The following AGPAT2 variants were observed in gnomAD, a reference collection of about 807,000 sequenced individuals.
AGPAT2 encodes the protein 1-acyl-sn-glycerol-3-phosphate acyltransferase beta.
Under a neutral mutation model 26.1 loss-of-function variants are expected in AGPAT2, and 18 were observed. The ratio of observed to expected loss-of-function variants is 0.69; its 90% CI spans 0.48 to 1.02. AGPAT2 has a LOEUF of 1.02. AGPAT2 is among the 50% of genes least tolerant of loss of function. The pLI is 0.00. For missense variants in AGPAT2, 415 were observed against 394.9 expected, an observed-to-expected ratio of 1.05 and a Z score of -0.43; for synonymous variants, 200 against 174.2, an observed-to-expected ratio of 1.15 and a Z score of -1.16.
chr9:136,673,760 C>A lies in AGPAT2; in HGVS notation c.829G>T (p.Ala277Ser). 6.3e-7 allele frequency: 1 copy of A among 1,592,526 alleles called. No individual in the cohort carries two copies. Among genetic ancestry groups the A allele is most frequent in the South Asian group, 1.1e-5 (1 of 87,706 alleles). Residue 277 changes from alanine to serine, a missense_variant, in exon 6 of 6, where the codon GCC becomes TCC. Transcript: ENST00000371696. ...GATAGSGVQPAQ is the reference protein window; with the variant it reads ...GATAGSGVQPSQ Reference sequence around the variant, plus strand: ...CCCTGCCGTGGTCTGGGCTACTGGGCCGGCTGCACGCCAGACCCCGCAGTG... The same window carrying A: ...CCCTGCCGTGGTCTGGGCTACTGGGACGGCTGCACGCCAGACCCCGCAGTG...
intron 1 of AGPAT2, among the ~76,000 whole-genome samples, chr9:136,683,495 G>T (rs928946791): frequency 3.5e-4 from 54 of 152,296 alleles, no homozygotes; most frequent in African/African-American, 1.3e-3. Flanking sequence ...CCCCTCTGCT[G>T]GGGCTCGCTG....
rs572285852 is a variant in AGPAT2, at chr9:136,680,413, G to A, written c.183-2857C>T. 3.3e-5 allele frequency among the ~76,000 whole-genome samples: 5 copies of A among 152,238 alleles called. No homozygotes were observed. In the South Asian group the frequency reaches 1.0e-3, roughly 32 times the overall value. ...GGCTAGTTTTTGTATTTTTAGTAGA[G>A]ACGGGGTTTCACCATGTTGGCCAGG... On this transcript the variant is annotated intron_variant, in intron 1 of 5. Coordinates refer to ENST00000371696, the MANE Select transcript of AGPAT2 (RefSeq NM_006412.4).
At position 136,676,630 on chromosome 9, in the gene AGPAT2, CAGG is replaced by C; in HGVS notation, c.540_542del (p.Asp180_Leu181delinsGlu). The C allele has an allele frequency of 6.2e-7, 1 of 1,613,582 alleles. No individual in the cohort carries two copies. The highest frequency in any genetic ancestry group is 2.2e-5 in the East Asian group (1 of 44,872). ...AGAAGGCGCCCTTCTTAAAAGGCAG[CAGG>C]TCCCCATTGTCGTTGCGAGTACCCT... On this transcript the variant is annotated inframe_deletion, in exon 4 of 6. Coordinates refer to ENST00000371696, the MANE Select transcript of AGPAT2 (RefSeq NM_006412.4).
intron 1 of AGPAT2, among the ~76,000 whole-genome samples, chr9:136,680,792 A>T (rs1333761597): frequency 1.3e-5 from 2 of 151,492 alleles, no homozygotes; most frequent in African/African-American, 2.4e-5. Context: ...TCAGCCTAGC[A>T]AGTAGTTGGG....
Position 136,673,777 on chromosome 9 carries a change from C to A in AGPAT2, c.812G>T (p.Gly271Val). The A allele has an allele frequency of 1.2e-6, 2 of 1,601,344 alleles. No individual in the cohort carries two copies. The highest frequency in any genetic ancestry group is 1.1e-5 in the South Asian group (1 of 88,950). Residue 271 changes from glycine (G) to valine (V), a missense_variant, in exon 6 of 6, where the codon GGG (glycine) becomes GTG (valine). By Grantham distance (109) the Gly-to-Val change is moderately radical (BLOSUM62 -3). Transcript: ENST00000371696. ...CTACTGGGCCGGCTGCACGCCAGAC[C>A]CCGCAGTGGCCCCGTTCTCCTGGGG... ...KTPQENGATA[G>V]SGVQPAQ
chr9:136,674,927 A>G (rs1588262095), intron 4 of AGPAT2, 120 bp from the exon 5 acceptor site: 1 of 603,640 alleles, frequency 1.7e-6, no homozygotes, highest in East Asian at 3.4e-5. Flanking sequence ...CGCTGCTGCC[A>G]TGGGTCCTTG....
At chr9:136,687,103 G>C (rs1229295403) in intron 1 of AGPAT2, 73 bp downstream of exon 1, 4 of 1,476,288 alleles carry the variant, frequency 2.7e-6, no homozygotes, top group Middle Eastern at 2.3e-4. Flanking sequence ...AAGGAGGGAA[G>C]CCCAGAAGAA....
chr9:136,682,795 C>T (rs1846177884), intron 1 of AGPAT2, among the ~76,000 whole-genome samples: 1 of 152,148 alleles, frequency 6.6e-6, no homozygotes, highest in Non-Finnish European at 1.5e-5. Context: ...TAAGAGACCC[C>T]TCTGGGGTCT....
chr9:136,682,582 G>A (rs1192771576), intron 1 of AGPAT2, among the ~76,000 whole-genome samples: 1 of 152,240 alleles, frequency 6.6e-6, no homozygotes. Flanking sequence ...ACTGCCAGGC[G>A]GGTGACTTGT....
rs1348209516 is a variant in AGPAT2, at chr9:136,673,603, CAGAA to C, written c.*145_*148del. On this transcript the variant is annotated 3_prime_UTR_variant, in exon 6 of 6. Transcript: ENST00000371696. ...AGGGGCCTGTGTCTGAGGCCAGTGA[CAGAA>C]GGGGCTTCCTGCTTCCCGGGCTGAG... 1.2e-5 allele frequency: 11 copies of C among 908,152 alleles called. No individual in the cohort carries two copies. In the African/African-American group the frequency reaches 1.7e-4, roughly 14 times the overall value. 56.3% of individuals were successfully genotyped at this position (908,152 alleles called of 1,614,324 possible).
intron 1 of AGPAT2, 96 bp from the exon 2 acceptor site, chr9:136,677,652 A>C: frequency 7.0e-7 from 1 of 1,424,960 alleles, no homozygotes; most frequent in South Asian, 1.2e-5. Context: ...GAGGCTGGGG[A>C]GGGGCCCTCC....
At chr9:136,673,977 C>T in intron 5 of AGPAT2, 50 bp from the exon 6 acceptor site, 1 of 1,439,862 alleles carries the variant, frequency 6.9e-7, no homozygotes, top group Non-Finnish European at 9.2e-7. Context: ...CTGGGGCCCA[C>T]CTCAGCCTGC....
Position 136,676,954 on chromosome 9 carries a change from C to T in AGPAT2, c.492+7G>A. On this transcript the variant is annotated splice_region_variant and intron_variant, in intron 3 of 5. Coordinates refer to ENST00000371696, the MANE Select transcript of AGPAT2 (RefSeq NM_006412.4). ...CAACCCCACCGAGCCCGGCCCTGCA[C>T]ACTCACGTTCTCCCTGACCATGCGC... is the stretch of plus-strand genomic sequence containing the variant. 1 of 1,606,166 alleles carries T rather than the reference C, an allele frequency of 6.2e-7. No individual in the cohort carries two copies. Among genetic ancestry groups the T allele is most frequent in the South Asian group, 1.1e-5 (1 of 90,904 alleles).
At chr9:136,687,148 G>A (rs1382672226) in intron 1 of AGPAT2, 28 bp downstream of exon 1, 1 of 1,568,770 alleles carries the variant, frequency 6.4e-7, no homozygotes, top group Non-Finnish European at 8.6e-7. Context: ...GCGGTTCCCC[G>A]GCCCCTCCCG....
Position 136,673,919 on chromosome 9 carries a change from T to C in AGPAT2, c.670A>G (p.Thr224Ala). 1 of 1,571,068 alleles carries C rather than the reference T, an allele frequency of 6.4e-7. No homozygotes were observed. The highest frequency in any genetic ancestry group is 8.6e-7 in the Non-Finnish European group (1 of 1,157,228). The change falls in exon 6 of 6, where the codon ACA (threonine) becomes GCA (alanine). Residue 224 changes from threonine (T) to alanine (A), a missense_variant. Transcript: ENST00000371696. ...GGGATGGCTTCCAGCACCTGCACTG[T>C]GACTGTTCCTGTGGGGGAAGCAACA... The part of the protein sequence containing the change: ...KKKFFTSGTV[T>A]VQVLEAIPTS...
At chr9:136,682,835 A>C (rs948353128) in intron 1 of AGPAT2, among the ~76,000 whole-genome samples, 2 of 152,112 alleles carry the variant, frequency 1.3e-5, no homozygotes, top group African/African-American at 4.8e-5. Flanking sequence ...AGACCGCCTG[A>C]GCTCAGCCCC....
Position 136,687,278 on chromosome 9 carries a change from T to C in AGPAT2, c.80A>G (p.Tyr27Cys). 6.3e-7 allele frequency: 1 copy of C among 1,586,540 alleles called. No homozygotes were observed. Among genetic ancestry groups the C allele is most frequent in the Non-Finnish European group, 8.5e-7 (1 of 1,170,766 alleles). Residue 27 changes from tyrosine (Y) to cysteine (C), a missense_variant, in exon 1 of 6, where the codon TAC becomes TGC. By Grantham distance (194) the Tyr-to-Cys change is radical. Coordinates refer to ENST00000371696, the MANE Select transcript of AGPAT2 (RefSeq NM_006412.4). ...LVQLSRAAEF[Y>C]AKVALYCALC... ...CGCGCAGTACAGGGCGACCTTGGCGTAGAACTCGGCCGCGCGGCTCAGCTG... is the reference window on the plus strand; with the variant it reads ...CGCGCAGTACAGGGCGACCTTGGCGCAGAACTCGGCCGCGCGGCTCAGCTG...
In AGPAT2 at chr9:136,673,385, T is replaced by C. The variant is rs1846034598; in HGVS notation, c.*367A>G. On this transcript the variant is annotated 3_prime_UTR_variant, in exon 6 of 6. Transcript: ENST00000371696. ...GGTCCCAGGCGGCTGAGCAGAGGGC[T>C]CGGACAGTGTGCGTCTGGCCTCGGG... The C allele has an allele frequency of 5.5e-6, 1 of 181,852 alleles. No homozygotes were observed. The highest frequency in any genetic ancestry group is 2.3e-5 in the African/African-American group (1 of 42,760). 11.3% of individuals were successfully genotyped at this position (181,852 alleles called of 1,614,324 possible).
At chr9:136,673,999 C>T (rs1009735594) in intron 5 of AGPAT2, 72 bp from the exon 6 acceptor site, 102 of 1,380,910 alleles carry the variant, frequency 7.4e-5, no homozygotes, top group Non-Finnish European at 9.3e-5. Context: ...GCCCTGGCCT[C>T]GCCTCTCCCC....
Sources: allele counts gnomAD v4.1 joint callset (sites outside exome capture counted in the v4.1 genomes callset), GRCh38; gene constraint gnomAD v4.1.1; transcripts MANE v1.5; gene names NCBI Gene and HGNC (gene_info 2026-07-23, HGNC 2026-07-21).